The following TBC1D5 variants were observed in gnomAD, a reference collection of about 807,000 sequenced individuals.
The protein encoded by TBC1D5 is TBC1 domain family, member 5.
In TBC1D5, 75 loss-of-function variants were observed where a neutral mutation model predicts 100.3. The ratio of observed to expected loss-of-function variants is 0.75; its 90% CI spans 0.62 to 0.91. The LOEUF is 0.91. Ranked by LOEUF, TBC1D5 falls within the 40% of genes least tolerant of loss-of-function variation. TBC1D5 has a pLI of 0.00. For missense variants in TBC1D5, 910 were observed against 942.4 expected (o/e 0.97, Z 0.45); for synonymous variants, 323 against 325.6 (o/e 0.99, Z 0.09).
intron 1 of TBC1D5, among the ~76,000 whole-genome samples, chr3:17,728,457 AG>A (rs2076295895): frequency 6.6e-6 from 1 of 152,192 alleles, no homozygotes; most frequent in South Asian, 2.1e-4. Context: ...GAGAATAATG[AG>A]GGAAGTCTGG....
chr3:17,480,270 G>A (rs1453164006), intron 3 of TBC1D5, among the ~76,000 whole-genome samples: 1 of 152,206 alleles, frequency 6.6e-6, no homozygotes, highest in Non-Finnish European at 1.5e-5. Context: ...TGGGCGCCAT[G>A]GATGACATGC....
chr3:17,246,333 T>C (rs969168524), intron 16 of TBC1D5, among the ~76,000 whole-genome samples: 1 of 152,218 alleles, frequency 6.6e-6, no homozygotes, highest in Admixed American at 6.5e-5. Flanking sequence ...AATTCAATAA[T>C]GTTGAAGTTA....
At chr3:17,498,993 G>C (rs2095750729) in intron 3 of TBC1D5, among the ~76,000 whole-genome samples, 1 of 152,066 alleles carries the variant, frequency 6.6e-6, no homozygotes, top group Non-Finnish European at 1.5e-5. Context: ...CTCTACTTTG[G>C]TTGGGGGGTG....
At chr3:17,588,628 G>A (rs953689125) in intron 2 of TBC1D5, among the ~76,000 whole-genome samples, 4 of 151,978 alleles carry the variant, frequency 2.6e-5, no homozygotes, top group Non-Finnish European at 4.4e-5. Flanking sequence ...TGCTGACTGT[G>A]CCTCTTTTTT....
chr3:17,534,888 A>G (rs530625067), intron 2 of TBC1D5, among the ~76,000 whole-genome samples: 1 of 152,300 alleles, frequency 6.6e-6, no homozygotes, highest in South Asian at 2.1e-4. Context: ...AAGTGTAAAG[A>G]CCCAGGGTGG....
intron 14 of TBC1D5, among the ~76,000 whole-genome samples, chr3:17,304,415 T>G (rs2083185067): frequency 1.3e-5 from 2 of 152,264 alleles, no homozygotes; most frequent in South Asian, 4.1e-4. Flanking sequence ...CATAGATCTT[T>G]TTTTTGTTTA....
At chr3:17,452,736 T>C (rs2094956490) in intron 3 of TBC1D5, among the ~76,000 whole-genome samples, 1 of 152,010 alleles carries the variant, frequency 6.6e-6, no homozygotes, top group South Asian at 2.1e-4. Flanking sequence ...GCACCCCACT[T>C]TCAGCAATGG....
At chr3:17,498,446 T>C (rs1353938378) in intron 3 of TBC1D5, among the ~76,000 whole-genome samples, 1 of 152,172 alleles carries the variant, frequency 6.6e-6, no homozygotes, top group African/African-American at 2.4e-5. Flanking sequence ...CAAAGTGTAT[T>C]ATCAAAGCTT....
intron 19 of TBC1D5, among the ~76,000 whole-genome samples, chr3:17,176,385 C>T (rs188003315): frequency 1.2e-3 from 186 of 152,306 alleles, no homozygotes; most frequent in Non-Finnish European, 2.0e-3. Flanking sequence ...AGGACATTTG[C>T]CCCTTTCAAA....
chr3:17,290,927 A>G (rs1414420876), intron 15 of TBC1D5, among the ~76,000 whole-genome samples: 1 of 152,246 alleles, frequency 6.6e-6, no homozygotes, highest in Non-Finnish European at 1.5e-5. Flanking sequence ...AATCAATCAA[A>G]GAATAAAGGA....
At chr3:17,687,456 T>C (rs895263420) in intron 1 of TBC1D5, among the ~76,000 whole-genome samples, 4 of 151,808 alleles carry the variant, frequency 2.6e-5, no homozygotes, top group Non-Finnish European at 5.9e-5. Flanking sequence ...TTAGGTCACA[T>C]CCCTCCCAAA....
At chr3:17,467,867 A>G (rs1312710600) in intron 3 of TBC1D5, among the ~76,000 whole-genome samples, 2 of 152,226 alleles carry the variant, frequency 1.3e-5, no homozygotes, top group Admixed American at 1.3e-4. Flanking sequence ...ACTGTACTGC[A>G]GTCTAGGAAA....
intron 13 of TBC1D5, among the ~76,000 whole-genome samples, chr3:17,345,095 T>C (rs1361754123): frequency 2.0e-5 from 3 of 152,194 alleles, no homozygotes; most frequent in East Asian, 3.9e-4. Flanking sequence ...AAAGAGCTTC[T>C]GCACAGCAAA....
intron 2 of TBC1D5, among the ~76,000 whole-genome samples, chr3:17,599,633 T>C (rs561004378): frequency 6.6e-6 from 1 of 152,280 alleles, no homozygotes; most frequent in African/African-American, 2.4e-5. Context: ...GGTTAACACT[T>C]AGCCATCTAC....
intron 13 of TBC1D5, among the ~76,000 whole-genome samples, chr3:17,364,221 T>A (rs941315377): frequency 4.6e-5 from 7 of 152,182 alleles, no homozygotes; most frequent in Non-Finnish European, 7.4e-5. Flanking sequence ...GCAACAAAAT[T>A]TTCACCATAT....
At chr3:17,413,451 G>A (rs1172300062) in intron 4 of TBC1D5, among the ~76,000 whole-genome samples, 1 of 152,122 alleles carries the variant, frequency 6.6e-6, no homozygotes, top group Non-Finnish European at 1.5e-5. Context: ...ATTTTGACAT[G>A]GAAAGCAATC....
chr3:17,712,722 A>G (rs2153939411), intron 1 of TBC1D5, among the ~76,000 whole-genome samples: 1 of 152,312 alleles, frequency 6.6e-6, no homozygotes, highest in South Asian at 2.1e-4. Context: ...GGCAACCAAG[A>G]AAGCATCTAG....
intron 3 of TBC1D5, among the ~76,000 whole-genome samples, chr3:17,504,103 T>TA (rs2095815968): frequency 7.4e-5 from 1 of 13,482 alleles, no homozygotes; most frequent in Non-Finnish European, 1.5e-4. Context: ...ACAGAGTTCA[T>TA]ACATTACAAC....
intron 1 of TBC1D5, chr3:17,665,031 T>TTAAAAA (rs369353377): frequency 1.2e-4 from 12 of 97,072 alleles, no homozygotes; most frequent in South Asian, 4.1e-4. Flanking sequence ...CCCCGCTATT[T>TTAAAAA]AAAAAAAAAA....
Sources: gnomAD v4.1 joint callset for allele counts (sites outside exome capture counted in the v4.1 genomes callset) on GRCh38, gnomAD v4.1.1 for gene constraint, MANE v1.5 for transcripts, NCBI Gene and HGNC (gene_info 2026-07-23, HGNC 2026-07-21) for gene names.